UBE2E2: variants seen among roughly 807,000 people sequenced by gnomAD.
The protein encoded by UBE2E2 is ubiquitin conjugating enzyme E2 E2.
In UBE2E2, 6 loss-of-function variants were observed where a neutral mutation model predicts 24.7. The observed-to-expected ratio is 0.24, with a 90% CI of 0.13 to 0.48. UBE2E2 has a LOEUF of 0.48. UBE2E2 is among the 20% of genes least tolerant of loss of function. UBE2E2 has a pLI of 0.99. For synonymous variants in UBE2E2, 104 were observed against 83.6 expected (o/e 1.24, Z -1.33); for missense variants, 169 against 245.0 (o/e 0.69, Z 2.07).
At chr3:23,226,126 T>C (rs1490552319) in intron 3 of UBE2E2, among the ~76,000 whole-genome samples, 13 of 152,118 alleles carry the variant, frequency 8.5e-5, no homozygotes, top group Admixed American at 8.5e-4. Context: ...TGATCTGCCC[T>C]CCTTGGCCTC....
intron 3 of UBE2E2, among the ~76,000 whole-genome samples, chr3:23,299,020 G>T (rs553207662): frequency 1.3e-5 from 2 of 152,252 alleles, no homozygotes; most frequent in Admixed American, 1.3e-4. Flanking sequence ...GTCTTGGGAG[G>T]ATGTATATGT....
Position 23,217,308 on chromosome 3 carries a change from T to G in UBE2E2, c.223T>G (p.Cys75Gly). 1 of 1,612,700 alleles carries G rather than the reference T, an allele frequency of 6.2e-7. No individual in the cohort carries two copies. The highest frequency in any genetic ancestry group is 8.5e-7 in the Non-Finnish European group (1 of 1,179,034). The change falls in exon 3 of 6, where the codon TGT becomes GGT. Residue 75 changes from cysteine (C) to glycine (G), a missense_variant. This residue lies in a region of UBE2E2 where 105 missense variants were observed against 180.7 expected (regional missense o/e 0.58). Coordinates refer to ENST00000396703, the MANE Select transcript of UBE2E2 (RefSeq NM_152653.4). ...AATCACATTGGACCCTCCTCCCAAC[T>G]GTAGGTAAGTACTCATGGTTTTTTA... The part of the protein sequence containing the change: ...AEITLDPPPN[C>G]SAGPKGDNIY...
intron 3 of UBE2E2, among the ~76,000 whole-genome samples, chr3:23,482,862 C>T (rs1300075868): frequency 6.6e-6 from 1 of 152,184 alleles, no homozygotes; most frequent in Non-Finnish European, 1.5e-5. Context: ...GTTTTGTCAA[C>T]TTGATAAGCC....
chr3:23,365,088 A>T (rs1360478797), intron 3 of UBE2E2, among the ~76,000 whole-genome samples: 1 of 152,222 alleles, frequency 6.6e-6, no homozygotes, highest in Non-Finnish European at 1.5e-5. Flanking sequence ...TCATGTTAAG[A>T]ACCCTCAACA....
intron 3 of UBE2E2, among the ~76,000 whole-genome samples, chr3:23,402,169 G>GT (rs1480718182): frequency 3.3e-5 from 5 of 152,044 alleles, no homozygotes; most frequent in Admixed American, 1.3e-4. Context: ...CTTATATTTG[G>GT]TTTTATTTCT....
intron 3 of UBE2E2, among the ~76,000 whole-genome samples, chr3:23,453,762 A>AG (rs1698617682): frequency 6.6e-6 from 1 of 152,226 alleles, no homozygotes; most frequent in Non-Finnish European, 1.5e-5. Context: ...GCTTTCTTGT[A>AG]GAGCAGTGTA....
intron 3 of UBE2E2, among the ~76,000 whole-genome samples, chr3:23,455,986 G>A (rs116134105): frequency 8.7e-4 from 132 of 152,340 alleles, no homozygotes; most frequent in African/African-American, 2.9e-3. Context: ...ATTGGAGTCA[G>A]TCCTCTCAAA....
chr3:23,434,057 T>C (rs1264505134), intron 3 of UBE2E2, among the ~76,000 whole-genome samples: 1 of 152,122 alleles, frequency 6.6e-6, no homozygotes, highest in African/African-American at 2.4e-5. Context: ...ATGCACTGTC[T>C]GAAGCTAATA....
At chr3:23,492,645 C>T (rs1003001220) in intron 3 of UBE2E2, among the ~76,000 whole-genome samples, 12 of 152,158 alleles carry the variant, frequency 7.9e-5, no homozygotes, top group Non-Finnish European at 1.2e-4. Flanking sequence ...CCTTTGACTT[C>T]TTCTAGTTAT....
At chr3:23,525,194 G>A (rs1694966187) in intron 4 of UBE2E2, among the ~76,000 whole-genome samples, 1 of 151,778 alleles carries the variant, frequency 6.6e-6, no homozygotes, top group Non-Finnish European at 1.5e-5. Context: ...AATTATATTG[G>A]GCCCACCTAA....
intron 3 of UBE2E2, among the ~76,000 whole-genome samples, chr3:23,251,222 G>C (rs925105952): frequency 6.6e-6 from 1 of 152,070 alleles, no homozygotes; most frequent in African/African-American, 2.4e-5. Flanking sequence ...CAGTAAACTT[G>C]CTTGTGTGCA....
intron 3 of UBE2E2, among the ~76,000 whole-genome samples, chr3:23,264,803 T>C (rs890903034): frequency 1.3e-5 from 2 of 152,164 alleles, no homozygotes; most frequent in Non-Finnish European, 2.9e-5. Context: ...ACAAGAAACA[T>C]TGTAGTAATT....
chr3:23,227,594 A>C (rs1271475430), intron 3 of UBE2E2, among the ~76,000 whole-genome samples: 1 of 152,214 alleles, frequency 6.6e-6, no homozygotes, highest in Non-Finnish European at 1.5e-5. Flanking sequence ...GAATATTTTT[A>C]ATTCAATCCT....
intron 3 of UBE2E2, among the ~76,000 whole-genome samples, chr3:23,364,587 C>A (rs993333506): frequency 2.0e-5 from 3 of 152,116 alleles, no homozygotes; most frequent in African/African-American, 7.2e-5. Context: ...GAAGTTGAAT[C>A]CATGAACAGA....
intron 3 of UBE2E2, among the ~76,000 whole-genome samples, chr3:23,328,391 G>A (rs1694964858): frequency 6.6e-6 from 1 of 152,164 alleles, no homozygotes; most frequent in Non-Finnish European, 1.5e-5. Flanking sequence ...GTGGTATTCA[G>A]TGAGTTACAG....
intron 3 of UBE2E2, among the ~76,000 whole-genome samples, chr3:23,284,260 T>G (rs1261430464): frequency 6.6e-6 from 1 of 152,172 alleles, no homozygotes; most frequent in Non-Finnish European, 1.5e-5. Flanking sequence ...AAGAGACAAT[T>G]TTTTACCTTA....
intron 4 of UBE2E2, among the ~76,000 whole-genome samples, chr3:23,508,815 A>T (rs1694517948): frequency 6.6e-6 from 1 of 152,180 alleles, no homozygotes; most frequent in Admixed American, 6.5e-5. Context: ...TTCCTTCACG[A>T]TGGATGTTCT....
In UBE2E2 at chr3:23,396,412, G is replaced by A. The variant is rs188839591; in HGVS notation, c.228-103196G>A. The stretch of plus-strand genomic sequence containing the variant: ...ATGTATATGTGTATAGTATATATAC[G>A]TGTACATACACTGTATACGTCGTAT... On this transcript the variant is annotated intron_variant, in intron 3 of 5. Coordinates refer to ENST00000396703, the MANE Select transcript of UBE2E2 (RefSeq NM_152653.4). 2.9e-3 allele frequency among the ~76,000 whole-genome samples: 433 copies of A among 148,974 alleles called. 4 individuals are homozygous for A. The highest frequency in any genetic ancestry group is 4.5e-3 in the Non-Finnish European group (303 of 67,434).
At chr3:23,329,413 A>T (rs1428171578) in intron 3 of UBE2E2, among the ~76,000 whole-genome samples, 1 of 152,222 alleles carries the variant, frequency 6.6e-6, no homozygotes, top group African/African-American at 2.4e-5. Flanking sequence ...ATGAGTGTTT[A>T]TATTTTGCCG....
Sources: gnomAD v4.1 joint callset for allele counts (sites outside exome capture counted in the v4.1 genomes callset) on GRCh38, gnomAD v4.1.1 for gene constraint, gnomAD v4.1.1 regional missense constraint, MANE v1.5 for transcripts, NCBI Gene and HGNC (gene_info 2026-07-23, HGNC 2026-07-21) for gene names.